RNF144B: variants seen among roughly 807,000 people sequenced by gnomAD.
The protein encoded by RNF144B is E3 ubiquitin-protein ligase RNF144B.
Under a neutral mutation model 40.2 loss-of-function variants are expected in RNF144B, and 25 were observed. The observed-to-expected ratio is 0.62, with a 90% CI of 0.45 to 0.87. RNF144B has a LOEUF of 0.87. RNF144B is among the 40% of genes least tolerant of loss of function. The pLI, the probability that RNF144B is intolerant of heterozygous loss-of-function variation, is 0.00. For synonymous variants in RNF144B, 145 were observed against 136.3 expected, an observed-to-expected ratio of 1.06 and a Z score of -0.44; for missense variants, 365 against 373.7, an observed-to-expected ratio of 0.98 and a Z score of 0.19.
chr6:18,455,256 A>G (rs2113532658), intron 4 of RNF144B, among the ~76,000 whole-genome samples: 1 of 152,244 alleles, frequency 6.6e-6, no homozygotes, highest in East Asian at 1.9e-4. Flanking sequence ...TTGTGATTGC[A>G]TTTGTGTGAA....
At chr6:18,394,092 T>C (rs753013219) in intron 1 of RNF144B, among the ~76,000 whole-genome samples, 1 of 152,242 alleles carries the variant, frequency 6.6e-6, no homozygotes, top group Non-Finnish European at 1.5e-5. Flanking sequence ...TTTCTCTTAG[T>C]CTCCTTAGTT....
intron 2 of RNF144B, among the ~76,000 whole-genome samples, chr6:18,417,055 A>C (rs1007924257): frequency 6.6e-6 from 1 of 152,186 alleles, no homozygotes; most frequent in Non-Finnish European, 1.5e-5. Context: ...AAATTTACCA[A>C]AGTAGAAAAT....
chr6:18,426,308 ACTC>A (rs1465126183), intron 2 of RNF144B, among the ~76,000 whole-genome samples: 1 of 152,120 alleles, frequency 6.6e-6, no homozygotes, highest in Non-Finnish European at 1.5e-5. Flanking sequence ...GGTGGAATGT[ACTC>A]CTCAACATTT....
intron 2 of RNF144B, among the ~76,000 whole-genome samples, chr6:18,404,781 A>C (rs12203019): frequency 6.6e-6 from 1 of 151,966 alleles, no homozygotes; most frequent in Admixed American, 6.5e-5. Context: ...ATTCAGATGA[A>C]AGGGTGTTTC....
At position 18,387,631 on chromosome 6, in the gene RNF144B, G is replaced by A. The variant is rs1486032951; in HGVS notation, c.-37+1G>A. The A allele has an allele frequency of 4.6e-6, 6 of 1,301,402 alleles. No individual in the cohort carries two copies. Among genetic ancestry groups the A allele is most frequent in the Non-Finnish European group, 1.0e-6 (1 of 995,400 alleles). 80.6% of individuals were successfully genotyped at this position (1,301,402 alleles called of 1,614,324 possible). A position where few individuals can be genotyped will look rare whatever the true frequency, so the allele number is the denominator to read the frequency against. On this transcript the variant is annotated splice_donor_variant, in intron 1 of 7. Transcript: ENST00000259939. LOFTEE classifies it low-confidence loss of function (5UTR_SPLICE). ...CGGAGGAACGCAGGTCTGCTGCCAG[G>A]TAGGTTTAGCGAGCTTTTTAAAGGC...
intron 3 of RNF144B, among the ~76,000 whole-genome samples, chr6:18,431,519 C>T (rs478127): frequency 0.96 from 146,529 of 152,268 alleles, 70,762 homozygotes; most frequent in East Asian, 1. Context: ...CTATATATTA[C>T]TGAGTATACC....
rs1242704902 is a variant in RNF144B, at chr6:18,387,430, G to A, written c.-237G>A. On this transcript the variant is annotated 5_prime_UTR_variant, in exon 1 of 8. Coordinates refer to ENST00000259939, the MANE Select transcript of RNF144B (RefSeq NM_182757.4). ...AGGCTAGGAGGCGGTCGGGGACTCC[G>A]CCTCCTCCCGACCCGTAGGTCTGGG... is the stretch of plus-strand genomic sequence containing the variant. 37 of 1,189,198 alleles carry A rather than the reference G, an allele frequency of 3.1e-5. No individual in the cohort carries two copies. The highest frequency in any genetic ancestry group is 3.2e-5 in the African/African-American group (2 of 62,086). 73.7% of individuals were successfully genotyped at this position (1,189,198 alleles called of 1,614,324 possible). A position where few individuals can be genotyped will look rare whatever the true frequency, so the allele number is the denominator to read the frequency against.
At chr6:18,417,261 A>T (rs941381442) in intron 2 of RNF144B, among the ~76,000 whole-genome samples, 1 of 152,174 alleles carries the variant, frequency 6.6e-6, no homozygotes, top group Non-Finnish European at 1.5e-5. Flanking sequence ...TGAGCAACCT[A>T]GAATGGTGAA....
intron 6 of RNF144B, among the ~76,000 whole-genome samples, chr6:18,462,690 G>A (rs1236443371): frequency 6.7e-6 from 1 of 148,496 alleles, no homozygotes; most frequent in Non-Finnish European, 1.5e-5. Flanking sequence ...GTAGATCTTT[G>A]TGATGAACTG....
intron 1 of RNF144B, chr6:18,396,898 A>G: frequency 2.4e-6 from 2 of 838,918 alleles, no homozygotes; most frequent in Non-Finnish European, 2.9e-6. Context: ...CCTGAATTTG[A>G]CGTGCAGGTC....
intron 1 of RNF144B, among the ~76,000 whole-genome samples, chr6:18,391,981 G>A (rs527330619): frequency 2.3e-4 from 33 of 144,530 alleles, no homozygotes; most frequent in East Asian, 1.1e-3. Context: ...GGAGGATCAC[G>A]GAGGTCAGGA....
intron 3 of RNF144B, among the ~76,000 whole-genome samples, chr6:18,428,447 G>A (rs1293961998): frequency 1.3e-5 from 2 of 152,092 alleles, no homozygotes; most frequent in Non-Finnish European, 2.9e-5. Context: ...TTTCCAAAGA[G>A]TAGAGACCTT....
Position 18,457,885 on chromosome 6 carries a change from A to G in RNF144B, c.536+526A>G, listed in dbSNP as rs1477807443. 6.6e-6 allele frequency among the ~76,000 whole-genome samples: 1 copy of G among 152,086 alleles called. No homozygotes were observed. The highest frequency in any genetic ancestry group is 2.4e-5 in the African/African-American group (1 of 41,412). On this transcript the variant is annotated intron_variant, in intron 5 of 7. Coordinates refer to ENST00000259939, the MANE Select transcript of RNF144B (RefSeq NM_182757.4). This position sits in a 1 kb window ranked among gnomAD's most constrained non-coding sequence, Gnocchi z 5.1. ...TATGCTCTGTAAAGGTTGAGATTTT[A>G]TCGTGATAGGAAGCAATTAAATCTG...
At position 18,400,191 on chromosome 6, in the gene RNF144B, T is replaced by C. The variant is rs1487102062; in HGVS notation, c.165+492T>C. ...GGGAGGCGGAGGCAGGAGAATGGCG[T>C]GAACCTGGGAGGCAGAGCTTGCAGT... On this transcript the variant is annotated intron_variant, in intron 2 of 7. Coordinates refer to ENST00000259939, the MANE Select transcript of RNF144B (RefSeq NM_182757.4). This position sits in a 1 kb window ranked among gnomAD's most constrained non-coding sequence, Gnocchi z 5.6. Among the ~76,000 whole-genome samples, 1 of 150,874 alleles carries C rather than the reference T, an allele frequency of 6.6e-6. No homozygotes were observed. The highest frequency in any genetic ancestry group is 2.0e-4 in the East Asian group (1 of 5,114).
intron 3 of RNF144B, among the ~76,000 whole-genome samples, chr6:18,428,150 C>T (rs1191877703): frequency 6.6e-6 from 1 of 152,136 alleles, no homozygotes; most frequent in Non-Finnish European, 1.5e-5. Flanking sequence ...GCCCTTTGCT[C>T]AGCACTACTC....
chr6:18,404,433 C>T (rs1794854476), intron 2 of RNF144B, among the ~76,000 whole-genome samples: 2 of 152,168 alleles, frequency 1.3e-5, no homozygotes, highest in East Asian at 3.9e-4. Flanking sequence ...GAGGGGTTGA[C>T]AATACCTACC....
intron 2 of RNF144B, among the ~76,000 whole-genome samples, chr6:18,427,339 A>G (rs1758580750): frequency 6.6e-6 from 1 of 152,006 alleles, no homozygotes; most frequent in South Asian, 2.1e-4. Context: ...GAAATGTGTG[A>G]GCATAGGGAA....
chr6:18,455,096 G>T (rs992289492), intron 4 of RNF144B, among the ~76,000 whole-genome samples: 2 of 152,142 alleles, frequency 1.3e-5, no homozygotes, highest in African/African-American at 4.8e-5. Flanking sequence ...GTAATAGATT[G>T]GAAGAAAATA....
Position 18,390,392 on chromosome 6 carries a change from T to C in RNF144B, c.-37+2762T>C, listed in dbSNP as rs77521200. ...TGGAACCTAATGCATCATACCATAG[T>C]TGTTATTAAAAAATGGATAACTATA... On this transcript the variant is annotated intron_variant, in intron 1 of 7. Coordinates refer to ENST00000259939, the MANE Select transcript of RNF144B (RefSeq NM_182757.4). Among the ~76,000 whole-genome samples, 387 of 152,348 alleles carry C rather than the reference T, an allele frequency of 2.5e-3. 3 individuals carry two copies. Among genetic ancestry groups the C allele is most frequent in the African/African-American group, 8.9e-3 (372 of 41,574 alleles).
Sources: allele counts gnomAD v4.1 joint callset (sites outside exome capture counted in the v4.1 genomes callset), GRCh38; gene constraint gnomAD v4.1.1; non-coding constraint Gnocchi (gnomAD v3.1); transcripts MANE v1.5; gene names NCBI Gene and HGNC (gene_info 2026-07-23, HGNC 2026-07-21).